Variants in NT5DC3 observed in about 807,000 individuals in gnomAD.
NT5DC3 encodes the protein 5'-nucleotidase domain-containing protein 3.
NT5DC3 carries 42 observed loss-of-function variants against 67.8 expected under a neutral mutation model. That is an observed-to-expected ratio of 0.62 (90% CI 0.48 to 0.80). NT5DC3 has a LOEUF of 0.80. Among genes scored for constraint, NT5DC3 ranks in the 30% least tolerant of loss-of-function variants. NT5DC3 has a pLI of 0.00. For missense variants in NT5DC3, 570 were observed against 696.4 expected, an observed-to-expected ratio of 0.82 and a Z score of 2.04; for synonymous variants, 237 against 255.6, an observed-to-expected ratio of 0.93 and a Z score of 0.69.
chr12:103,763,835 CA>C, the NT5DC3 span: 68 of 447,402 alleles, frequency 1.5e-4, no homozygotes, highest in African/African-American at 1.3e-3. Context: ...CAAACAGAGA[CA>C]GGCGAGAACA....
At chr12:103,818,417 C>G (rs1026544863) in intron 1 of NT5DC3, among the ~76,000 whole-genome samples, 6 of 151,470 alleles carry the variant, frequency 4.0e-5, no homozygotes, top group Non-Finnish European at 8.8e-5. Context: ...GCTCTGTCAC[C>G]CAGGCCAGAG....
At chr12:103,750,948 C>A in the NT5DC3 span, among the ~76,000 whole-genome samples, 1 of 152,278 alleles carries the variant, frequency 6.6e-6, no homozygotes, top group Non-Finnish European at 1.5e-5. Flanking sequence ...AAAAATCAGC[C>A]GGTTGTGGCA....
rs3036176 is a variant in NT5DC3 at position 103,786,681 on chromosome 12, A to ATTTTTTTTTTTTTTTT, written c.1188+744_1188+759dup. ...GATGCCCACCTTCCTCACTGGTTTG[A>ATTTTTTTTTTTTTTTT]TTTTTTTTTTTTTTTTTTTGAGGCA... On this transcript the variant is annotated intron_variant, in intron 11 of 13. Coordinates refer to ENST00000392876, the MANE Select transcript of NT5DC3 (RefSeq NM_001031701.3). Among the ~76,000 whole-genome samples, 3 of 132,364 alleles carry ATTTTTTTTTTTTTTTT rather than the reference A, an allele frequency of 2.3e-5. 1 individual carries two copies. The allele number at this position is 132,364 out of a possible 152,430, so 86.8% of individuals were successfully genotyped here.
intron 4 of NT5DC3, among the ~76,000 whole-genome samples, chr12:103,800,221 A>G (rs117311312): frequency 6.6e-6 from 1 of 152,334 alleles, no homozygotes; most frequent in East Asian, 1.9e-4. Context: ...CATTACTTTA[A>G]AAAGTTATCT....
At chr12:103,793,385 A>G (rs1886153666) in intron 8 of NT5DC3, 25 bp downstream of exon 8, 5 of 1,586,658 alleles carry the variant, frequency 3.2e-6, no homozygotes, top group Non-Finnish European at 4.3e-6. Context: ...GCCAGAAGCT[A>G]GCAATGAAAC....
chr12:103,752,696 T>C, the NT5DC3 span, among the ~76,000 whole-genome samples: 1 of 152,200 alleles, frequency 6.6e-6, no homozygotes, highest in Admixed American at 6.5e-5. Context: ...ATTATAAATA[T>C]GGGGAGGAGG....
intron 9 of NT5DC3, among the ~76,000 whole-genome samples, chr12:103,791,584 T>G (rs1886063700): frequency 2.0e-5 from 3 of 152,178 alleles, no homozygotes; most frequent in Admixed American, 2.0e-4. Flanking sequence ...CCACTCCTGG[T>G]GGACACACCT....
intron 2 of NT5DC3, among the ~76,000 whole-genome samples, chr12:103,809,590 T>C (rs1256231688): frequency 2.6e-5 from 4 of 152,238 alleles, no homozygotes; most frequent in African/African-American, 7.2e-5. Flanking sequence ...ACATCTTACA[T>C]GGCAGCAGGC....
intron 1 of NT5DC3, among the ~76,000 whole-genome samples, chr12:103,824,063 T>A (rs1887594255): frequency 6.6e-6 from 1 of 152,250 alleles, no homozygotes; most frequent in Non-Finnish European, 1.5e-5. Flanking sequence ...TAATGCAATT[T>A]CACATTTGTT....
chr12:103,746,920 A>G, the NT5DC3 span, among the ~76,000 whole-genome samples: 2 of 146,570 alleles, frequency 1.4e-5, no homozygotes, highest in African/African-American at 5.0e-5. Context: ...GCAAACTGGG[A>G]TGCACTTTAC....
chr12:103,787,711 T>A (rs1404681000), intron 10 of NT5DC3, among the ~76,000 whole-genome samples, 184 bp from the exon 11 acceptor site: 1 of 152,196 alleles, frequency 6.6e-6, no homozygotes, highest in East Asian at 1.9e-4. Context: ...TCAAGAAGGA[T>A]TTATATTATA....
intron 1 of NT5DC3, among the ~76,000 whole-genome samples, chr12:103,836,432 G>A (rs556366080): frequency 1.3e-5 from 2 of 152,168 alleles, no homozygotes; most frequent in Admixed American, 6.5e-5. Context: ...CAAAACAAAG[G>A]GGTTACAGGC....
chr12:103,763,631 G>T, the NT5DC3 span: 1 of 1,599,286 alleles, frequency 6.3e-7, no homozygotes, highest in African/African-American at 1.3e-5. Flanking sequence ...TCTTATCTAG[G>T]AATAGGTTCC....
At position 103,780,374 on chromosome 12, in the gene NT5DC3, A is replaced by C; in HGVS notation, c.1330-10T>G. ...CAGCATCTCTGTGAACCTGTAGGAC[A>C]CAAGTCAATTATTACAACTGTTTTG... is the stretch of plus-strand genomic sequence containing the variant. On this transcript the variant is annotated splice_polypyrimidine_tract_variant and intron_variant, in intron 12 of 13. Coordinates refer to ENST00000392876, the MANE Select transcript of NT5DC3 (RefSeq NM_001031701.3). 2 of 1,613,096 alleles carry C rather than the reference A, an allele frequency of 1.2e-6. No homozygotes were observed. The highest frequency in any genetic ancestry group is 1.7e-6 in the Non-Finnish European group (2 of 1,179,054).
At position 103,806,394 on chromosome 12, in the gene NT5DC3, A is replaced by G; in HGVS notation, c.469-17T>C. On this transcript the variant is annotated splice_polypyrimidine_tract_variant and intron_variant, in intron 3 of 13. Transcript: ENST00000392876. The stretch of plus-strand genomic sequence containing the variant: ...TAATACTGCCTTTAAAAACATAAAC[A>G]TATGCACATGTAAATAATGTATGAC... 1 of 1,551,230 alleles carries G rather than the reference A, an allele frequency of 6.4e-7. No homozygotes were observed. The highest frequency in any genetic ancestry group is 8.9e-7 in the Non-Finnish European group (1 of 1,122,774).
At chr12:103,762,461 ACCTGGG>A in the NT5DC3 span, 657 of 1,611,882 alleles carry the variant, frequency 4.1e-4, 2 homozygotes, top group African/African-American at 7.7e-3. Flanking sequence ...CAGTCCCTGG[ACCTGGG>A]CTGCTTCAGT....
chr12:103,812,590 TC>T (rs1309116732), intron 2 of NT5DC3, among the ~76,000 whole-genome samples: 4 of 152,156 alleles, frequency 2.6e-5, no homozygotes, highest in African/African-American at 9.7e-5. Flanking sequence ...TTTATTTGCA[TC>T]TGAACAAAAA....
chr12:103,752,274 A>G, the NT5DC3 span, among the ~76,000 whole-genome samples: 1 of 152,242 alleles, frequency 6.6e-6, no homozygotes, highest in South Asian at 2.1e-4. Flanking sequence ...GTCTCAATAA[A>G]GAGACAAGGA....
At chr12:103,797,070 C>T (rs1302568756) in intron 5 of NT5DC3, 39 bp from the exon 6 acceptor site, 2 of 1,612,036 alleles carry the variant, frequency 1.2e-6, no homozygotes, top group South Asian at 2.2e-5. Flanking sequence ...GAAACAGGGG[C>T]CCACGCAAGG....
Sources: allele counts gnomAD v4.1 joint callset (sites outside exome capture counted in the v4.1 genomes callset), GRCh38; gene constraint gnomAD v4.1.1; transcripts MANE v1.5; gene names NCBI Gene and HGNC (gene_info 2026-07-23, HGNC 2026-07-21).